PTPN12: variants seen among roughly 807,000 people sequenced by gnomAD.
PTPN12 encodes tyrosine-protein phosphatase non-receptor type 12.
A neutral mutation model predicts 97.6 loss-of-function variants in PTPN12; 29 were observed. That is an observed-to-expected ratio of 0.30 (90% CI 0.22 to 0.41). PTPN12 has a LOEUF of 0.41. PTPN12 is among the 10% of genes least tolerant of loss of function. The pLI is 1.00. For missense variants in PTPN12, 819 were observed against 926.0 expected (o/e 0.88, Z 1.50); for synonymous variants, 327 against 300.4 (o/e 1.09, Z -0.91).
At position 77,581,420 on chromosome 7, in the gene PTPN12, C is replaced by T. The variant is rs774797866; in HGVS notation, c.209-7C>T. 7 of 1,594,674 alleles carry T rather than the reference C, an allele frequency of 4.4e-6. No homozygotes were observed. Among genetic ancestry groups the T allele is most frequent in the Non-Finnish European group, 6.0e-6 (7 of 1,167,164 alleles). On this transcript the variant is annotated splice_region_variant and splice_polypyrimidine_tract_variant and intron_variant, in intron 2 of 17. Coordinates refer to ENST00000248594, the MANE Select transcript of PTPN12 (RefSeq NM_002835.4). ...CCATACATATTTTATGAATTTTTTT[C>T]TCGTAGTTGATCACAGCCGAGTTAA...
At chr7:77,583,838 A>T in intron 4 of PTPN12, 188 bp downstream of exon 4, 3 of 447,874 alleles carry the variant, frequency 6.7e-6, no homozygotes, top group Non-Finnish European at 1.2e-5. Context: ...TAGGCTAAAT[A>T]TTTTAAGAAG....
At chr7:77,569,325 A>AT (rs1808379874) in intron 1 of PTPN12, among the ~76,000 whole-genome samples, 2 of 152,150 alleles carry the variant, frequency 1.3e-5, no homozygotes, top group African/African-American at 4.8e-5. Flanking sequence ...ATTTATACTT[A>AT]ATATGTATTT....
chr7:77,619,855 GTTAGGTCTCAACAT>G (rs901081671), intron 12 of PTPN12, among the ~76,000 whole-genome samples: 6 of 152,108 alleles, frequency 3.9e-5, no homozygotes, highest in African/African-American at 1.4e-4. Flanking sequence ...TATAGATGAG[GTTAGGTCTCAACAT>G]TTAAATGTTC....
chr7:77,625,472 G>GCTCGCTCGCGCGCGCTCTCT, intron 12 of PTPN12, among the ~76,000 whole-genome samples: 9 of 33,520 alleles, frequency 2.7e-4, no homozygotes, highest in Non-Finnish European at 4.5e-4. Flanking sequence ...CAGGCTGCTC[G>GCTCGCTCGCGCGCGCTCTCT]CTCTCTCTCT....
intron 1 of PTPN12, among the ~76,000 whole-genome samples, chr7:77,565,630 A>T (rs1808227064): frequency 6.6e-6 from 1 of 152,320 alleles, no homozygotes; most frequent in African/African-American, 2.4e-5. Flanking sequence ...CCACTCTTTT[A>T]AGAACTTGAA....
chr7:77,618,693 A>G (rs766656264), intron 12 of PTPN12, 128 bp downstream of exon 12: 2 of 660,544 alleles, frequency 3.0e-6, no homozygotes, highest in South Asian at 2.5e-5. Flanking sequence ...TTAGGATGTA[A>G]CATACGTATG....
chr7:77,553,874 T>C (rs1158031324), intron 1 of PTPN12, among the ~76,000 whole-genome samples: 1 of 151,466 alleles, frequency 6.6e-6, no homozygotes, highest in African/African-American at 2.4e-5. Flanking sequence ...TCTTCCACTG[T>C]TTTTCTGCCT....
At chr7:77,607,831 G>A (rs1479987887) in intron 9 of PTPN12, among the ~76,000 whole-genome samples, 3 of 150,272 alleles carry the variant, frequency 2.0e-5, no homozygotes, top group South Asian at 2.1e-4. Context: ...TCAGCTCACT[G>A]CAACCTCCAC....
chr7:77,626,164 A>G (rs1291599328), intron 12 of PTPN12, among the ~76,000 whole-genome samples: 2 of 152,248 alleles, frequency 1.3e-5, no homozygotes, highest in African/African-American at 4.8e-5. Context: ...CTGATGATGC[A>G]TAGAGAGCTA....
At chr7:77,622,153 C>T (rs1327271616) in intron 12 of PTPN12, among the ~76,000 whole-genome samples, 1 of 152,146 alleles carries the variant, frequency 6.6e-6, no homozygotes, top group East Asian at 1.9e-4. Flanking sequence ...TGGGTTTTCT[C>T]CTTGTTGCCT....
rs747083285 is a variant in PTPN12 at position 77,626,779 on chromosome 7, C to T, written c.1100C>T (p.Thr367Ile). The T allele has an allele frequency of 3.1e-6, 5 of 1,613,886 alleles. No individual in the cohort carries two copies. In the Admixed American group the frequency reaches 8.3e-5, roughly 27 times the overall value. ...PEPHPVPPIL[T>I]PSPPSAFPTV... ...CCTCATCCAGTGCCACCCATCTTGA[C>T]ACCTTCTCCCCCTTCAGCTTTTCCA... The change falls in exon 13 of 18, where the codon ACA (threonine) becomes ATA (isoleucine). Residue 367 changes from threonine to isoleucine, a missense_variant. Transcript: ENST00000248594.
chr7:77,558,953 G>A (rs1401458169), intron 1 of PTPN12, among the ~76,000 whole-genome samples: 6 of 152,204 alleles, frequency 3.9e-5, no homozygotes, highest in Non-Finnish European at 8.8e-5. Context: ...GTTCAAAGTT[G>A]CAGTGAGCCT....
At chr7:77,587,124 C>T (rs1017627711) in intron 5 of PTPN12, among the ~76,000 whole-genome samples, 1 of 152,000 alleles carries the variant, frequency 6.6e-6, no homozygotes, top group African/African-American at 2.4e-5. Context: ...TTAATTGCAT[C>T]TAGAATGCTG....
At chr7:77,588,499 A>G (rs955959816) in intron 5 of PTPN12, among the ~76,000 whole-genome samples, 1 of 152,238 alleles carries the variant, frequency 6.6e-6, no homozygotes, top group Non-Finnish European at 1.5e-5. Context: ...AGATTACAAT[A>G]ACAGATATCA....
intron 1 of PTPN12, among the ~76,000 whole-genome samples, chr7:77,540,153 G>A (rs1217429549): frequency 1.3e-5 from 2 of 152,146 alleles, no homozygotes; most frequent in Non-Finnish European, 2.9e-5. Flanking sequence ...CTGAACTCCT[G>A]TACTGGAGAA....
rs527264888 is a variant in PTPN12, at chr7:77,607,454, C to T, written c.762+153C>T. 6.8e-5 allele frequency: 39 copies of T among 576,488 alleles called. 1 individual carries two copies. Among genetic ancestry groups the T allele is most frequent in the African/African-American group, 5.6e-4 (29 of 51,978 alleles). The allele number at this position is 576,488 out of a possible 1,614,324, so 35.7% of individuals were successfully genotyped here. On this transcript the variant is annotated intron_variant, in intron 9 of 17. Coordinates refer to ENST00000248594, the MANE Select transcript of PTPN12 (RefSeq NM_002835.4). ...AGTAAGAAATAAAGGTAGTGAAGGC[C>T]GGGCACAGTGGCTTACGCCTGTAAT...
intron 7 of PTPN12, among the ~76,000 whole-genome samples, chr7:77,599,748 A>G (rs143156279): frequency 1.3e-5 from 2 of 152,206 alleles, no homozygotes; most frequent in Non-Finnish European, 2.9e-5. Context: ...AAGAAGTTAA[A>G]TAGCTTACCT....
At chr7:77,554,947 C>T (rs1433419372) in intron 1 of PTPN12, among the ~76,000 whole-genome samples, 1 of 152,150 alleles carries the variant, frequency 6.6e-6, no homozygotes, top group Non-Finnish European at 1.5e-5. Flanking sequence ...CTCAGCCTCC[C>T]AAAGCATTAG....
In PTPN12 at chr7:77,537,493, CG is replaced by C. The variant is rs1806708593; in HGVS notation, c.-51del. On this transcript the variant is annotated 5_prime_UTR_variant, in exon 1 of 18. Transcript: ENST00000248594. ...GGGGAAGACGGAGCGGGCTCTGTGC[CG>C]GGCGGGCGGGCGGCGGGGGGGCCAG... is the stretch of plus-strand genomic sequence containing the variant. 1 of 662,030 alleles carries C rather than the reference CG, an allele frequency of 1.5e-6. No individual in the cohort carries two copies. The highest frequency in any genetic ancestry group is 2.0e-6 in the Non-Finnish European group (1 of 494,794). 41.0% of individuals were successfully genotyped at this position (662,030 alleles called of 1,614,324 possible). A position where few individuals can be genotyped will look rare whatever the true frequency, so the allele number is the denominator to read the frequency against.
Sources: gnomAD v4.1 joint callset for allele counts (sites outside exome capture counted in the v4.1 genomes callset) on GRCh38, gnomAD v4.1.1 for gene constraint, MANE v1.5 for transcripts, NCBI Gene and HGNC (gene_info 2026-07-23, HGNC 2026-07-21) for gene names.